RBPJ: variants seen among roughly 807,000 people sequenced by gnomAD.
The protein encoded by RBPJ is recombining binding protein suppressor of hairless.
A neutral mutation model predicts 67.8 loss-of-function variants in RBPJ; 9 were observed. That is an observed-to-expected ratio of 0.13 (90% CI 0.08 to 0.23). The LOEUF (loss-of-function observed/expected upper bound fraction) is 0.23. RBPJ is among the 10% of genes least tolerant of loss of function. The pLI, the probability that RBPJ is intolerant of heterozygous loss-of-function variation, is 1.00. For missense variants in RBPJ, 305 were observed against 595.6 expected (o/e 0.51, Z 5.08); for synonymous variants, 198 against 203.3 (o/e 0.97, Z 0.22).
intron 2 of RBPJ, among the ~76,000 whole-genome samples, chr4:26,401,508 A>G (rs1180743519): frequency 6.6e-6 from 1 of 152,262 alleles, no homozygotes. Flanking sequence ...TTTAATGATT[A>G]TAATTAAAAT....
intron 1 of RBPJ, among the ~76,000 whole-genome samples, chr4:26,279,320 C>A (rs1041092452): frequency 1.3e-5 from 2 of 152,134 alleles, no homozygotes; most frequent in African/African-American, 4.8e-5. Context: ...CTTGCTCTGT[C>A]ACCACGCTGG....
intron 1 of RBPJ, among the ~76,000 whole-genome samples, chr4:26,336,673 T>G (rs1319673005): frequency 6.6e-6 from 1 of 151,706 alleles, no homozygotes; most frequent in African/African-American, 2.4e-5. Context: ...AAAAAAAAAT[T>G]TCTTTAGAAA....
At chr4:26,393,950 G>A (rs933153711) in intron 2 of RBPJ, among the ~76,000 whole-genome samples, 1 of 151,556 alleles carries the variant, frequency 6.6e-6, no homozygotes, top group African/African-American at 2.4e-5. Context: ...TCTAAACATA[G>A]TTCTGCCTAC....
intron 1 of RBPJ, among the ~76,000 whole-genome samples, chr4:26,267,007 CAGAT>C (rs1162552018): frequency 2.0e-5 from 3 of 152,132 alleles, no homozygotes; most frequent in Non-Finnish European, 4.4e-5. Context: ...TTCCAAAACA[CAGAT>C]AGCCTAAAAG....
At chr4:26,384,122 A>G (rs536437910) in intron 1 of RBPJ, among the ~76,000 whole-genome samples, 1 of 152,322 alleles carries the variant, frequency 6.6e-6, no homozygotes, top group South Asian at 2.1e-4. Context: ...TGCTAGGATT[A>G]CAGGCATGAG....
intron 3 of RBPJ, among the ~76,000 whole-genome samples, chr4:26,407,293 TG>T (rs367703507): frequency 1.3e-3 from 194 of 152,338 alleles, no homozygotes; most frequent in African/African-American, 4.5e-3. Flanking sequence ...AGAAAACTCC[TG>T]GCCCTCTCTC....
At chr4:26,278,509 A>G (rs1721153721) in intron 1 of RBPJ, among the ~76,000 whole-genome samples, 1 of 152,244 alleles carries the variant, frequency 6.6e-6, no homozygotes, top group Non-Finnish European at 1.5e-5. Flanking sequence ...TGCATATTCA[A>G]AACAAGAATC....
chr4:26,180,697 T>TG (rs1553846221), intron 1 of RBPJ, among the ~76,000 whole-genome samples: 16 of 152,238 alleles, frequency 1.1e-4, no homozygotes, highest in South Asian at 6.2e-4. Flanking sequence ...TGCATGAATC[T>TG]GGGGGGGACA....
intron 2 of RBPJ, among the ~76,000 whole-genome samples, chr4:26,404,851 G>A (rs952567575): frequency 2.6e-5 from 4 of 152,050 alleles, no homozygotes; most frequent in African/African-American, 7.2e-5. Context: ...TCTACTTCTC[G>A]CTCAGAATTA....
At chr4:26,216,925 A>G (rs1048074556) in intron 1 of RBPJ, among the ~76,000 whole-genome samples, 12 of 152,160 alleles carry the variant, frequency 7.9e-5, no homozygotes, top group Non-Finnish European at 1.5e-4. Context: ...ACACTGTCTT[A>G]GTCAATCAGT....
chr4:26,177,821 C>G (rs941048959), intron 1 of RBPJ, among the ~76,000 whole-genome samples: 2 of 152,168 alleles, frequency 1.3e-5, no homozygotes, highest in Non-Finnish European at 2.9e-5. Flanking sequence ...TGCCATCATG[C>G]AGGGATATAA....
chr4:26,365,449 G>T (rs1184624390), intron 1 of RBPJ, among the ~76,000 whole-genome samples: 1 of 152,190 alleles, frequency 6.6e-6, no homozygotes, highest in Non-Finnish European at 1.5e-5. Flanking sequence ...GCACATTCAT[G>T]AGTGGGTCAA....
chr4:26,383,208 C>T (rs1481289503), intron 1 of RBPJ, among the ~76,000 whole-genome samples: 3 of 152,050 alleles, frequency 2.0e-5, no homozygotes, highest in South Asian at 4.1e-4. Flanking sequence ...TTGTAATTGT[C>T]GACTTGATCT....
chr4:26,347,059 G>A (rs1726233933), intron 1 of RBPJ, among the ~76,000 whole-genome samples: 1 of 152,092 alleles, frequency 6.6e-6, no homozygotes, highest in African/African-American at 2.4e-5. Context: ...CTTTACACGT[G>A]TTGCCAGGGG....
At chr4:26,233,675 T>C (rs1719364178) in intron 1 of RBPJ, among the ~76,000 whole-genome samples, 1 of 152,124 alleles carries the variant, frequency 6.6e-6, no homozygotes, top group South Asian at 2.1e-4. Context: ...TCAGAGCAAA[T>C]AAAACAGGCA....
intron 2 of RBPJ, 89 bp from the exon 3 acceptor site, chr4:26,406,086 G>T: frequency 2.6e-6 from 2 of 757,166 alleles, no homozygotes; most frequent in South Asian, 1.9e-5. Flanking sequence ...ATATTTATAA[G>T]CATTCCTCTC....
chr4:26,294,441 T>C (rs554842767), intron 1 of RBPJ, among the ~76,000 whole-genome samples: 1 of 152,270 alleles, frequency 6.6e-6, no homozygotes, highest in African/African-American at 2.4e-5. Flanking sequence ...TTTACATTTT[T>C]AAAAGTACTC....
chr4:26,256,130 A>G (rs983934874), intron 1 of RBPJ, among the ~76,000 whole-genome samples: 1 of 152,176 alleles, frequency 6.6e-6, no homozygotes, highest in Non-Finnish European at 1.5e-5. Flanking sequence ...TCTCAAAGAT[A>G]TATGGTCTCT....
At chr4:26,362,330 T>C in intron 1 of RBPJ, 1 of 429,962 alleles carries the variant, frequency 2.3e-6, no homozygotes, top group Non-Finnish European at 4.0e-6. Flanking sequence ...ATGACAGTGT[T>C]ACACAGGGTA....
Sources: gnomAD v4.1 joint callset for allele counts (sites outside exome capture counted in the v4.1 genomes callset) on GRCh38, gnomAD v4.1.1 for gene constraint, MANE v1.5 for transcripts, NCBI Gene and HGNC (gene_info 2026-07-23, HGNC 2026-07-21) for gene names.